Variants in RTN4 observed in about 807,000 individuals in gnomAD.
RTN4 encodes reticulon 4.
A neutral mutation model predicts 90.4 loss-of-function variants in RTN4; 32 were observed. That is an observed-to-expected ratio of 0.35 (90% CI 0.27 to 0.48). The LOEUF is 0.48. Among genes scored for constraint, RTN4 ranks in the 20% least tolerant of loss-of-function variants. The pLI, the probability that RTN4 is intolerant of heterozygous loss-of-function variation, is 0.99. For synonymous variants in RTN4, 629 were observed against 552.5 expected (o/e 1.14, Z -1.94); for missense variants, 1,706 against 1,430.2 (o/e 1.19, Z -3.11).
chr2:54,977,005 A>G (rs1677689897), intron 5 of RTN4, among the ~76,000 whole-genome samples: 1 of 152,264 alleles, frequency 6.6e-6, no homozygotes, highest in Non-Finnish European at 1.5e-5. Context: ...TCTTTCTTCC[A>G]GGGCAATAAG....
At chr2:55,005,077 G>C (rs964205742) in intron 3 of RTN4, among the ~76,000 whole-genome samples, 5 of 152,172 alleles carry the variant, frequency 3.3e-5, no homozygotes, top group South Asian at 4.1e-4. Flanking sequence ...AGTGTGGCTA[G>C]CGACAGGGAG....
chr2:55,124,596 C>T, the RTN4 span, among the ~76,000 whole-genome samples: 1 of 152,162 alleles, frequency 6.6e-6, no homozygotes, highest in Non-Finnish European at 1.5e-5. Flanking sequence ...ACATCCCATG[C>T]TCATGGATAG....
At chr2:55,083,894 G>A (rs1412755434) in intron 1 of RTN4, among the ~76,000 whole-genome samples, 1 of 152,142 alleles carries the variant, frequency 6.6e-6, no homozygotes. Flanking sequence ...TGCATTCTTT[G>A]TTCTAATATT....
chr2:55,068,369 G>A (rs182553574), intron 2 of RTN4, among the ~76,000 whole-genome samples: 3 of 152,070 alleles, frequency 2.0e-5, no homozygotes, highest in Non-Finnish European at 4.4e-5. Flanking sequence ...TCCCAAGCTT[G>A]ACACATTTCC....
upstream of RTN4, among the ~76,000 whole-genome samples, chr2:55,053,699 A>AC (rs1553448333): frequency 1.7e-3 from 256 of 149,024 alleles, 1 homozygote; most frequent in Middle Eastern, 6.8e-3. Context: ...AAAAAAACAA[A>AC]AAAAAAAAGA....
At position 55,101,365 on chromosome 2, in the gene RTN4, A is replaced by T. The variant is rs539137863; in HGVS notation, c.-214+11155T>A. Among the ~76,000 whole-genome samples, 3 of 152,242 alleles carry T rather than the reference A, an allele frequency of 2.0e-5. No homozygotes were observed. The South Asian group carries it at 6.2e-4, about 32-fold the overall frequency. On this transcript the variant is annotated intron_variant, in intron 1 of 3. Transcript: ENST00000427710. ...AGAAGAGTGAAATAATACATTATCC[A>T]TTGTAATAATAATTTTAGTGAGATT...
the RTN4 span, among the ~76,000 whole-genome samples, chr2:55,120,761 G>A: frequency 1.6e-4 from 25 of 152,170 alleles, no homozygotes; most frequent in East Asian, 3.7e-3. Flanking sequence ...GGGCTCGGGC[G>A]GGCTGTGTGG....
At chr2:55,013,897 G>T (rs1460009449) in intron 3 of RTN4, among the ~76,000 whole-genome samples, 1 of 152,116 alleles carries the variant, frequency 6.6e-6, no homozygotes, top group Non-Finnish European at 1.5e-5. Flanking sequence ...ATGCTACTCT[G>T]AAAGTTAGAG....
chr2:54,995,255 A>G (rs567575609), intron 3 of RTN4, among the ~76,000 whole-genome samples: 322 of 152,126 alleles, frequency 2.1e-3, no homozygotes, highest in African/African-American at 7.2e-3. Flanking sequence ...AAAAAAAAAA[A>G]TCTAAATAAA....
At chr2:55,043,116 C>T (rs1683184855) in intron 1 of RTN4, among the ~76,000 whole-genome samples, 1 of 152,172 alleles carries the variant, frequency 6.6e-6, no homozygotes, top group African/African-American at 2.4e-5. Context: ...TGGGTCTCAT[C>T]ATTTTGCATA....
At chr2:55,050,998 G>A (rs1297648799), upstream of RTN4, among the ~76,000 whole-genome samples, 2 of 152,180 alleles carry the variant, frequency 1.3e-5, no homozygotes, top group Non-Finnish European at 2.9e-5. The surrounding 1 kb of genome is among the most constrained non-coding windows in gnomAD (Gnocchi z 4.6). Context: ...TGGGAAGTGG[G>A]CCCTAAGGAT....
chr2:55,098,025 A>C (rs1416020937), intron 1 of RTN4, among the ~76,000 whole-genome samples: 1 of 151,778 alleles, frequency 6.6e-6, no homozygotes, highest in Admixed American at 6.6e-5. Context: ...ACACAATTTT[A>C]TCAAAGGCCA....
chr2:55,079,628 G>C (rs779214680), intron 2 of RTN4, among the ~76,000 whole-genome samples: 13 of 152,142 alleles, frequency 8.5e-5, no homozygotes, highest in Admixed American at 2.0e-4. Context: ...TCAGTTCAGA[G>C]TGTTAAAAGG....
Position 55,025,791 on chromosome 2 carries a change from T to C in RTN4, c.2308A>G (p.Ser770Gly). 1 of 1,613,654 alleles carries C rather than the reference T, an allele frequency of 6.2e-7. No individual in the cohort carries two copies. The highest frequency in any genetic ancestry group is 8.5e-7 in the Non-Finnish European group (1 of 1,179,830). The stretch of plus-strand genomic sequence containing the variant: ...GACTCAAATGAAGTCTCAGTGAGAC[T>C]TTCTTTCACAAGCATCACAGTTTCA... ...QDETVMLVKE[S>G]LTETSFESMI... The change falls in exon 3 of 9, where the codon AGT (serine) becomes GGT (glycine). Residue 770 changes from serine to glycine, a missense_variant. Physicochemically the swap from Ser to Gly is moderately conservative, Grantham distance 56 (BLOSUM62 0). Coordinates refer to ENST00000337526, the MANE Select transcript of RTN4 (RefSeq NM_020532.5).
rs1169043108 is a variant in RTN4 at position 55,050,190 on chromosome 2, T to C, written c.111A>G (p.Glu37=). 6.4e-7 allele frequency: 1 copy of C among 1,570,690 alleles called. No individual in the cohort carries two copies. The part of the protein sequence containing the change: ...FVREPEDEEE[E]EEEEEEDEDE... Reference sequence around the variant, plus strand: ...CCTCGTCCTCCTCTTCCTCCTCCTCTTCTTCCTCCTCGTCCTCGGGCTCCC... The same window carrying C: ...CCTCGTCCTCCTCTTCCTCCTCCTCCTCTTCCTCCTCGTCCTCGGGCTCCC... Residue 37 remains glutamate, a synonymous_variant, in exon 1 of 9, where the codon GAA becomes GAG. Coordinates refer to ENST00000337526, the MANE Select transcript of RTN4 (RefSeq NM_020532.5). This position sits in a 1 kb window ranked among gnomAD's most constrained non-coding sequence, Gnocchi z 4.6.
At chr2:54,985,630 G>A (rs1172013387) in intron 4 of RTN4, among the ~76,000 whole-genome samples, 1 of 152,164 alleles carries the variant, frequency 6.6e-6, no homozygotes, top group African/African-American at 2.4e-5. Flanking sequence ...TTCAATAAAT[G>A]TTGGTCTCTC....
chr2:55,068,303 T>C (rs991089874), intron 2 of RTN4, among the ~76,000 whole-genome samples: 25 of 152,298 alleles, frequency 1.6e-4, no homozygotes, highest in African/African-American at 5.5e-4. Context: ...CTTTCACCCA[T>C]GCATCATCTA....
At chr2:54,977,662 T>G (rs1677746010) in intron 5 of RTN4, among the ~76,000 whole-genome samples, 2 of 151,812 alleles carry the variant, frequency 1.3e-5, no homozygotes. Flanking sequence ...CTTTCATAAT[T>G]GCGGGTGGGA....
At chr2:55,080,205 A>G (rs1668683301) in intron 2 of RTN4, among the ~76,000 whole-genome samples, 1 of 151,890 alleles carries the variant, frequency 6.6e-6, no homozygotes, top group African/African-American at 2.4e-5. Flanking sequence ...TTTTTTGTAG[A>G]TGGGGTCTCG....
Sources: gnomAD v4.1 joint callset for allele counts (sites outside exome capture counted in the v4.1 genomes callset) on GRCh38, gnomAD v4.1.1 for gene constraint, Gnocchi (gnomAD v3.1) non-coding constraint, MANE v1.5 for transcripts, NCBI Gene and HGNC (gene_info 2026-07-23, HGNC 2026-07-21) for gene names.